Variants in S100A16 observed in about 807,000 individuals in gnomAD.
S100A16 encodes the protein protein S100-A16.
S100A16 carries 8 observed loss-of-function variants against 9.0 expected under a neutral mutation model. That is an observed-to-expected ratio of 0.89 (90% CI 0.52 to 1.60). The LOEUF is 1.60. S100A16 is among the 40% of genes most tolerant of loss of function. The pLI, the probability that S100A16 is intolerant of heterozygous loss-of-function variation, is 0.00. For synonymous variants in S100A16, 51 were observed against 51.4 expected (o/e 0.99, Z 0.04); for missense variants, 138 against 132.4 (o/e 1.04, Z -0.21).
At chr1:153,609,317 C>T (rs886794519) in intron 1 of S100A16, 15 of 985,902 alleles carry the variant, frequency 1.5e-5, no homozygotes, top group African/African-American at 1.7e-5. Context: ...ACCTGCTTTC[C>T]GTTGGCCACT....
chr1:153,609,117 C>G, intron 1 of S100A16: 3 of 985,828 alleles, frequency 3.0e-6, no homozygotes, highest in Non-Finnish European at 3.6e-6. Context: ...CACATCAACC[C>G]CAGGCAAATC....
chr1:153,608,940 G>T, intron 1 of S100A16: 1 of 985,734 alleles, frequency 1.0e-6, no homozygotes, highest in Non-Finnish European at 1.2e-6. Flanking sequence ...AGCTGGAGTC[G>T]GACTCTGGAC....
intron 1 of S100A16, among the ~76,000 whole-genome samples, chr1:153,610,501 C>T (rs1666810001): frequency 6.6e-6 from 1 of 152,174 alleles, no homozygotes; most frequent in South Asian, 2.1e-4. Flanking sequence ...CCCTGCTTGG[C>T]CTCTGGCAGC....
chr1:153,611,915 T>TCACACACACACA (rs1250361327), intron 1 of S100A16, among the ~76,000 whole-genome samples: 30 of 79,796 alleles, frequency 3.8e-4, no homozygotes, highest in East Asian at 1.1e-3. Flanking sequence ...TTTGTCTCTC[T>TCACACACACACA]CTCACACACA....
chr1:153,611,337 C>T (rs1374466808), intron 1 of S100A16, among the ~76,000 whole-genome samples: 2 of 151,168 alleles, frequency 1.3e-5, no homozygotes, highest in Non-Finnish European at 1.5e-5. Context: ...TCCACCACAC[C>T]GTCCTAAGTC....
intron 1 of S100A16, chr1:153,609,195 A>C (rs574750601): frequency 1.0e-6 from 1 of 985,522 alleles, no homozygotes; most frequent in South Asian, 4.7e-5. Context: ...GTCCTGGTGA[A>C]AGGAGATGGA....
At position 153,608,032 on chromosome 1, in the gene S100A16, C is replaced by A. The variant is rs1166799857; in HGVS notation, c.120G>T (p.Glu40Asp). ...TGTGGTTCAGCTCTTTCTGGAGCAT[C>A]TCGCGGAAGCTGCTCTTGCTGATCT... ...KNKISKSSFREMLQKELNHML... is the reference protein window; with the variant it reads ...KNKISKSSFRDMLQKELNHML... Residue 40 changes from glutamate to aspartate, a missense_variant, in exon 2 of 3, where the codon GAG (glutamate) becomes GAT (aspartate). Transcript: ENST00000368706. 6.2e-7 allele frequency: 1 copy of A among 1,614,080 alleles called. No homozygotes were observed. The highest frequency in any genetic ancestry group is 8.5e-7 in the Non-Finnish European group (1 of 1,179,966).
rs1666745005 is a variant in S100A16 at position 153,608,194 on chromosome 1, G to A, written c.-26-17C>T. 6 of 1,606,266 alleles carry A rather than the reference G, an allele frequency of 3.7e-6. No homozygotes were observed. Among genetic ancestry groups the A allele is most frequent in the Non-Finnish European group, 4.2e-6 (5 of 1,178,642 alleles). The stretch of plus-strand genomic sequence containing the variant: ...TGGCGGGGCCTGGACACCAGGAGGA[G>A]GGGAGATGAGAAGAGACACCCACAG... On this transcript the variant is annotated splice_polypyrimidine_tract_variant and intron_variant, in intron 1 of 2. Transcript: ENST00000368706.
chr1:153,611,261 C>T (rs1027273471), intron 1 of S100A16, among the ~76,000 whole-genome samples: 12 of 145,688 alleles, frequency 8.2e-5, no homozygotes, highest in Non-Finnish European at 1.7e-4. Flanking sequence ...CTGGGCTCCA[C>T]GCCCTCCAAA....
In S100A16 at chr1:153,608,082, A is replaced by G. The variant is rs145315934; in HGVS notation, c.70T>C (p.Ser24Pro). 3 of 1,613,898 alleles carry G rather than the reference A, an allele frequency of 1.9e-6. No homozygotes were observed. The highest frequency in any genetic ancestry group is 2.2e-5 in the East Asian group (1 of 44,894). ...VLVENFYKYVSKYSLVKNKIS... is the reference protein window; with the variant it reads ...VLVENFYKYVPKYSLVKNKIS... ...TTGTTCTTGACCAGGCTGTACTTAGACACATATTTGTAGAAGTTTTCCACC... is the reference window on the plus strand; with the variant it reads ...TTGTTCTTGACCAGGCTGTACTTAGGCACATATTTGTAGAAGTTTTCCACC... Residue 24 changes from serine to proline, a missense_variant, in exon 2 of 3, where the codon TCT becomes CCT. Ser to Pro is a moderately conservative substitution (Grantham distance 74, BLOSUM62 -1). Transcript: ENST00000368706.
chr1:153,609,170 A>G (rs1416880622), intron 1 of S100A16: 22 of 984,748 alleles, frequency 2.2e-5, no homozygotes, highest in Non-Finnish European at 2.5e-5. Context: ...TGCTCCAGTC[A>G]CCCTCACCCG....
chr1:153,607,762 C>A, intron 2 of S100A16, 70 bp from the exon 3 acceptor site: 2 of 1,577,940 alleles, frequency 1.3e-6, no homozygotes, highest in Non-Finnish European at 1.7e-6. Context: ...GGACCCTAGG[C>A]AGAGACCCAG....
At chr1:153,609,728 C>T (rs544060113) in intron 1 of S100A16, among the ~76,000 whole-genome samples, 7 of 152,330 alleles carry the variant, frequency 4.6e-5, no homozygotes, top group African/African-American at 7.2e-5. Context: ...TCAAGGTACA[C>T]GTTCTATAAA....
At chr1:153,608,988 C>G (rs1035176453) in intron 1 of S100A16, 36 of 985,684 alleles carry the variant, frequency 3.7e-5, no homozygotes, top group Non-Finnish European at 4.2e-5. Context: ...GCGTCACCCT[C>G]TCACCCCAGG....
At chr1:153,609,041 G>A in intron 1 of S100A16, 1 of 985,594 alleles carries the variant, frequency 1.0e-6, no homozygotes. Flanking sequence ...CTGAATAACA[G>A]GATATGAGGG....
chr1:153,607,756 C>T (rs1666729895), intron 2 of S100A16, 64 bp from the exon 3 acceptor site: 3 of 1,591,504 alleles, frequency 1.9e-6, no homozygotes, highest in Non-Finnish European at 2.6e-6. Context: ...CAGGCAGGAC[C>T]CTAGGCAGAG....
At chr1:153,611,908 GTC>G (rs756157977) in intron 1 of S100A16, among the ~76,000 whole-genome samples, 1,231 of 104,838 alleles carry the variant, frequency 0.012, 19 homozygotes, top group African/African-American at 0.035. Flanking sequence ...AACTCTCTTT[GTC>G]TCTCTCTCAC....
intron 1 of S100A16, chr1:153,608,792 G>T: frequency 2.5e-6 from 1 of 395,772 alleles, no homozygotes; most frequent in Non-Finnish European, 3.4e-6. Flanking sequence ...CAGATTTTGT[G>T]CAGCTCTCCC....
At chr1:153,609,898 C>T (rs377562792) in intron 1 of S100A16, among the ~76,000 whole-genome samples, 3 of 152,168 alleles carry the variant, frequency 2.0e-5, no homozygotes, top group South Asian at 2.1e-4. Flanking sequence ...AGTCAGGCTG[C>T]GGCTTCTCTG....
Sources: gnomAD v4.1 joint callset for allele counts (sites outside exome capture counted in the v4.1 genomes callset) on GRCh38, gnomAD v4.1.1 for gene constraint, MANE v1.5 for transcripts, NCBI Gene and HGNC (gene_info 2026-07-23, HGNC 2026-07-21) for gene names.